The following SP140 variants were observed in gnomAD, a reference collection of about 807,000 sequenced individuals.
SP140 encodes the protein SP140 nuclear body protein, also known as nuclear body protein SP140.
A neutral mutation model predicts 125.0 loss-of-function variants in SP140; 81 were observed. The ratio of observed to expected loss-of-function variants is 0.65; its 90% CI spans 0.54 to 0.78. The LOEUF (loss-of-function observed/expected upper bound fraction) is 0.78, where lower values mean the gene tolerates loss of function less well. Ranked by LOEUF, SP140 falls within the 30% of genes least tolerant of loss-of-function variation. The probability of loss-of-function intolerance (pLI) is 0.00; values close to 1 mark genes in which losing one functional copy is unlikely to be tolerated. For synonymous variants in SP140, 312 were observed against 354.0 expected (o/e 0.88, Z 1.33); for missense variants, 858 against 1,037.0 (o/e 0.83, Z 2.37).
rs898344588 is a variant in SP140 at position 230,269,571 on chromosome 2, G to A, written c.1280G>A (p.Gly427Glu). ...GAAAATCACCCAATGAATGAAGAAGGAGAATCAGAAGAGCTTGCTTCTAGC... is the reference window on the plus strand; with the variant it reads ...GAAAATCACCCAATGAATGAAGAAGAAGAATCAGAAGAGCTTGCTTCTAGC... Reference protein sequence around the residue: ...ELENHPMNEEGESEELASSLL... With the variant: ...ELENHPMNEEEESEELASSLL... Residue 427 changes from glycine (G) to glutamate (E), a missense_variant, in exon 13 of 27, where the codon GGA becomes GAA. This residue lies in a region of SP140 where 791 missense variants were observed against 869.5 expected (regional missense o/e 0.91). Coordinates refer to ENST00000392045, the MANE Select transcript of SP140 (RefSeq NM_007237.5). 3 of 1,607,792 alleles carry A rather than the reference G, an allele frequency of 1.9e-6. No individual in the cohort carries two copies. The highest frequency in any genetic ancestry group is 2.6e-6 in the Non-Finnish European group (3 of 1,175,552).
rs2048154814 is a variant in SP140 at position 230,237,438 on chromosome 2, G to T, written c.237+178G>T. 1 of 566,354 alleles carries T rather than the reference G, an allele frequency of 1.8e-6. No individual in the cohort carries two copies. Among genetic ancestry groups the T allele is most frequent in the African/African-American group, 1.9e-5 (1 of 52,376 alleles). The allele number at this position is 566,354 out of a possible 1,614,324, so 35.1% of individuals were successfully genotyped here. On this transcript the variant is annotated intron_variant, in intron 2 of 26. Coordinates refer to ENST00000392045, the MANE Select transcript of SP140 (RefSeq NM_007237.5). The surrounding 1 kb of genome is among the most constrained non-coding windows in gnomAD (Gnocchi z 5.4). ...AAACCTCCCTTCTTCTGTAGTAAAT[G>T]TTGGGGGAGGGCCACAGTGAGGGAG...
intron 1 of SP140, among the ~76,000 whole-genome samples, chr2:230,229,100 C>T (rs1376398749): frequency 2.0e-5 from 3 of 152,008 alleles, no homozygotes; most frequent in Non-Finnish European, 4.4e-5. Context: ...TATATATTTA[C>T]AGCGAATCAT....
At chr2:230,292,904 T>C in intron 20 of SP140, 116 bp downstream of exon 20, 1 of 1,466,628 alleles carries the variant, frequency 6.8e-7, no homozygotes, top group Non-Finnish European at 9.3e-7. Flanking sequence ...GCCAGTGGGT[T>C]TATCCTCTCA....
upstream of SP140, among the ~76,000 whole-genome samples, chr2:230,201,673 T>C (rs550518270): frequency 6.6e-6 from 1 of 152,366 alleles, no homozygotes; most frequent in South Asian, 2.1e-4. Context: ...AAGAAAACAC[T>C]TGTGTGATTG....
At chr2:230,312,438 C>T in intron 26 of SP140, 148 bp from the exon 27 acceptor site, 1 of 543,428 alleles carries the variant, frequency 1.8e-6, no homozygotes, top group Non-Finnish European at 3.3e-6. Flanking sequence ...CACAACATTA[C>T]TTTGTACTCC....
upstream of SP140, among the ~76,000 whole-genome samples, chr2:230,198,330 C>G (rs1017255352): frequency 6.6e-6 from 1 of 152,136 alleles, no homozygotes; most frequent in Non-Finnish European, 1.5e-5. Flanking sequence ...AGAGCTGCCT[C>G]CTGCAAGGGG....
At position 230,245,079 on chromosome 2, in the gene SP140, A is replaced by G; in HGVS notation, c.663A>G (p.Gly221=). Residue 221 remains glycine (G), a splice_region_variant and synonymous_variant, in exon 6 of 27, where the codon GGA becomes GGG. Coordinates refer to ENST00000392045, the MANE Select transcript of SP140 (RefSeq NM_007237.5). Reference sequence around the variant, plus strand: ...CACCCAGCCTACTACCAGGTGGGGGAGGTAATTATGATTTAAATGACCAAT... The same window carrying G: ...CACCCAGCCTACTACCAGGTGGGGGGGGTAATTATGATTTAAATGACCAAT... ...EDAPSLLPGG[G]VSCKLAIQID... is the part of the protein sequence containing the mutation. 1 of 1,603,358 alleles carries G rather than the reference A, an allele frequency of 6.2e-7. No homozygotes were observed. Among genetic ancestry groups the G allele is most frequent in the East Asian group, 2.2e-5 (1 of 44,790 alleles).
chr2:230,232,068 A>G, intron 1 of SP140, among the ~76,000 whole-genome samples: 1 of 152,102 alleles, frequency 6.6e-6, no homozygotes, highest in East Asian at 1.9e-4. Context: ...TTTGGTAGTC[A>G]CCCTTCCCCT....
upstream of SP140, chr2:230,202,512 T>C: frequency 6.7e-7 from 1 of 1,491,888 alleles, no homozygotes; most frequent in East Asian, 2.3e-5. Flanking sequence ...CTTAACTCTG[T>C]ACCTGCTTCA....
intron 1 of SP140, among the ~76,000 whole-genome samples, chr2:230,209,591 T>C (rs1318764707): frequency 3.3e-5 from 5 of 152,170 alleles, no homozygotes; most frequent in Non-Finnish European, 7.3e-5. Flanking sequence ...TGCCTAGCCA[T>C]GTCTTAAGAG....
At chr2:230,285,619 C>CA in intron 16 of SP140, 133 bp from the exon 17 acceptor site, 4 of 720,120 alleles carry the variant, frequency 5.6e-6, no homozygotes, top group Non-Finnish European at 7.2e-6. Context: ...CTCCCAAAAG[C>CA]AAAAAATGCT....
intron 9 of SP140, among the ~76,000 whole-genome samples, chr2:230,249,204 A>ACCAGCCT (rs2049977701): frequency 1.3e-5 from 2 of 152,122 alleles, no homozygotes; most frequent in African/African-American, 4.8e-5. Flanking sequence ...ATGTAGGGAG[A>ACCAGCCT]ACGAATATAC....
chr2:230,313,367 G>T (rs552519776), downstream of SP140, among the ~76,000 whole-genome samples: 1 of 152,126 alleles, frequency 6.6e-6, no homozygotes, highest in African/African-American at 2.4e-5. Context: ...CTGCTGAGTG[G>T]TGGCTGCTAA....
At chr2:230,308,021 A>G (rs2058977983) in intron 22 of SP140, among the ~76,000 whole-genome samples, 1 of 138,460 alleles carries the variant, frequency 7.2e-6, no homozygotes. Context: ...ACACACAGAG[A>G]CACACACACA....
intron 15 of SP140, among the ~76,000 whole-genome samples, chr2:230,280,146 A>G (rs932487867): frequency 6.6e-6 from 1 of 152,158 alleles, no homozygotes; most frequent in Admixed American, 6.5e-5. Context: ...ATTCTTGCAC[A>G]TGGTTGTATA....
At position 230,253,967 on chromosome 2, in the gene SP140, A is replaced by G. The variant is rs572349929; in HGVS notation, c.1159+550A>G. ...AGAACTTTGAGAGTGAGGAAAATAT[A>G]TAAAATCGTGGACATTTTACAGGCA... is the stretch of plus-strand genomic sequence containing the variant. On this transcript the variant is annotated intron_variant, in intron 11 of 26. Coordinates refer to ENST00000392045, the MANE Select transcript of SP140 (RefSeq NM_007237.5). 3.3e-5 allele frequency among the ~76,000 whole-genome samples: 5 copies of G among 152,348 alleles called. No homozygotes were observed. In the South Asian group the frequency reaches 8.3e-4, roughly 25 times the overall value.
At chr2:230,288,545 G>A (rs1368183359) in intron 18 of SP140, among the ~76,000 whole-genome samples, 2 of 134,306 alleles carry the variant, frequency 1.5e-5, no homozygotes, top group African/African-American at 2.8e-5. Flanking sequence ...TAAGTTCTGA[G>A]ATACACGTGT....
At chr2:230,226,179 G>T (rs1000201797) in intron 1 of SP140, among the ~76,000 whole-genome samples, 1 of 152,094 alleles carries the variant, frequency 6.6e-6, no homozygotes, top group Non-Finnish European at 1.5e-5. Flanking sequence ...GCTTTGTGTA[G>T]GATTGGATGA....
At chr2:230,277,798 C>T (rs2054944236) in intron 15 of SP140, among the ~76,000 whole-genome samples, 1 of 151,940 alleles carries the variant, frequency 6.6e-6, no homozygotes, top group Admixed American at 6.6e-5. Flanking sequence ...TAGTTTTTTT[C>T]TTCATGATTC....
Sources: allele counts gnomAD v4.1 joint callset (sites outside exome capture counted in the v4.1 genomes callset), GRCh38; gene constraint gnomAD v4.1.1; regional missense constraint gnomAD v4.1.1; non-coding constraint Gnocchi (gnomAD v3.1); transcripts MANE v1.5; gene names NCBI Gene and HGNC (gene_info 2026-07-23, HGNC 2026-07-21).